PTTG1IP2: variants seen among roughly 807,000 people sequenced by gnomAD.
PTTG1IP2 encodes PTTG1IP family member 2.
intron 6 of PTTG1IP2, among the ~76,000 whole-genome samples, chr7:90,497,600 C>T (rs1584698136): frequency 6.8e-6 from 1 of 147,474 alleles, no homozygotes; most frequent in African/African-American, 2.5e-5. Context: ...AAAAGTTAGC[C>T]AGGCTACTAG....
chr7:90,501,765 G>C (rs965732452), intron 6 of PTTG1IP2, among the ~76,000 whole-genome samples: 3 of 152,172 alleles, frequency 2.0e-5, no homozygotes, highest in Non-Finnish European at 2.9e-5. Context: ...TCTTCCGTTG[G>C]TGTTGATGGT....
intron 5 of PTTG1IP2, among the ~76,000 whole-genome samples, chr7:90,493,015 C>G (rs919569218): frequency 2.4e-4 from 36 of 152,292 alleles, no homozygotes; most frequent in Admixed American, 2.2e-3. Flanking sequence ...CCTGAAAACC[C>G]AACTGGAGTC....
intron 6 of PTTG1IP2, among the ~76,000 whole-genome samples, chr7:90,497,867 CTT>C (rs1474676375): frequency 1.3e-5 from 2 of 151,456 alleles, no homozygotes; most frequent in Admixed American, 6.6e-5. Context: ...CCTTGTTGAT[CTT>C]TTTGTCTGGA....
At chr7:90,484,636 T>C (rs546932720) in intron 2 of PTTG1IP2, among the ~76,000 whole-genome samples, 109 of 152,294 alleles carry the variant, frequency 7.2e-4, no homozygotes, top group Non-Finnish European at 1.3e-3. Flanking sequence ...CAATGTGAAG[T>C]TCTGGTCTTT....
At chr7:90,511,403 T>C (rs1035498499) in intron 6 of PTTG1IP2, among the ~76,000 whole-genome samples, 16 of 152,192 alleles carry the variant, frequency 1.1e-4, no homozygotes, top group Admixed American at 1.0e-3. Flanking sequence ...CTTAGTGATA[T>C]AGGAAAGGAC....
intron 2 of PTTG1IP2, among the ~76,000 whole-genome samples, chr7:90,482,392 C>T (rs546722070): frequency 1.3e-5 from 2 of 152,144 alleles, no homozygotes; most frequent in East Asian, 3.9e-4. Context: ...GTAAGGGAAT[C>T]TTCCTTAGAT....
chr7:90,497,898 G>A (rs1798014905), intron 6 of PTTG1IP2, among the ~76,000 whole-genome samples: 1 of 151,972 alleles, frequency 6.6e-6, no homozygotes, highest in African/African-American at 2.4e-5. Flanking sequence ...CCATTGTTGA[G>A]AGTGGGTTAT....
At chr7:90,476,498 A>G (rs1490383480) in intron 1 of PTTG1IP2, among the ~76,000 whole-genome samples, 1 of 152,168 alleles carries the variant, frequency 6.6e-6, no homozygotes, top group African/African-American at 2.4e-5. Flanking sequence ...TATCTCCCCA[A>G]ATTTTTAAAA....
intron 6 of PTTG1IP2, among the ~76,000 whole-genome samples, chr7:90,511,056 C>T (rs1366392624): frequency 6.6e-6 from 1 of 151,020 alleles, no homozygotes; most frequent in Non-Finnish European, 1.5e-5. Context: ...CAATACAAGC[C>T]CCTTGAGGGC....
intron 2 of PTTG1IP2, among the ~76,000 whole-genome samples, chr7:90,487,065 C>G (rs1290156207): frequency 6.6e-6 from 1 of 152,142 alleles, no homozygotes; most frequent in African/African-American, 2.4e-5. Context: ...GAAATAGTAA[C>G]CTTGTGGGCT....
At chr7:90,474,308 G>T (rs184023546) in intron 1 of PTTG1IP2, among the ~76,000 whole-genome samples, 1 of 152,276 alleles carries the variant, frequency 6.6e-6, no homozygotes, top group East Asian at 1.9e-4. Context: ...TGTTGACCAA[G>T]ATATAGTTAT....
intron 2 of PTTG1IP2, among the ~76,000 whole-genome samples, chr7:90,485,311 C>G (rs1170275361): frequency 6.6e-6 from 1 of 152,120 alleles, no homozygotes; most frequent in African/African-American, 2.4e-5. Flanking sequence ...AATAATGCAA[C>G]TAAATCTCAA....
At chr7:90,492,347 T>G (rs1238325332) in intron 5 of PTTG1IP2, 38 bp downstream of exon 5, 1 of 152,102 alleles carries the variant, frequency 6.6e-6, no homozygotes, top group Non-Finnish European at 1.5e-5. Context: ...TGTCCCAGAC[T>G]CCTTCAGTAA....
chr7:90,476,996 A>G (rs1380410905), intron 1 of PTTG1IP2, among the ~76,000 whole-genome samples: 1 of 152,192 alleles, frequency 6.6e-6, no homozygotes, highest in Non-Finnish European at 1.5e-5. Context: ...GGCATTTGAA[A>G]TTGTGATTCT....
At chr7:90,508,639 A>T (rs1798152591) in intron 6 of PTTG1IP2, among the ~76,000 whole-genome samples, 1 of 152,238 alleles carries the variant, frequency 6.6e-6, no homozygotes, top group South Asian at 2.1e-4. Flanking sequence ...GGCATTTATA[A>T]TATTCTGGGC....
intron 6 of PTTG1IP2, among the ~76,000 whole-genome samples, chr7:90,494,918 G>T (rs1167928693): frequency 1.3e-5 from 2 of 152,154 alleles, no homozygotes. Flanking sequence ...GCTGAGGTGG[G>T]AGGATTGCTT....
At chr7:90,477,452 G>A (rs972096579) in intron 1 of PTTG1IP2, among the ~76,000 whole-genome samples, 1 of 152,174 alleles carries the variant, frequency 6.6e-6, no homozygotes, top group South Asian at 2.1e-4. Flanking sequence ...ATAATGTGTT[G>A]AGGAAGGAAC....
At chr7:90,486,871 G>A (rs1797880882) in intron 2 of PTTG1IP2, among the ~76,000 whole-genome samples, 1 of 152,160 alleles carries the variant, frequency 6.6e-6, no homozygotes, top group Non-Finnish European at 1.5e-5. Flanking sequence ...ATCCTATGGA[G>A]TGACAGACTC....
chr7:90,510,946 G>C (rs1390335181), intron 6 of PTTG1IP2, among the ~76,000 whole-genome samples: 1 of 152,164 alleles, frequency 6.6e-6, no homozygotes, highest in African/African-American at 2.4e-5. Context: ...GTTAACTCTG[G>C]AATACCGTAA....
Sources: allele counts gnomAD v4.1 joint callset (sites outside exome capture counted in the v4.1 genomes callset), GRCh38; gene constraint gnomAD v4.1.1; transcripts MANE v1.5; gene names NCBI Gene and HGNC (gene_info 2026-07-23, HGNC 2026-07-21).